The following RSRC1 variants were observed in gnomAD, a reference collection of about 807,000 sequenced individuals.
RSRC1 encodes the protein arginine and serine rich coiled-coil 1.
A neutral mutation model predicts 49.1 loss-of-function variants in RSRC1; 39 were observed. That is an observed-to-expected ratio of 0.79 (90% CI 0.61 to 1.04). RSRC1 has a LOEUF of 1.04. Among genes scored for constraint, RSRC1 ranks in the 50% least tolerant of loss-of-function variants. RSRC1 has a pLI of 0.00. For missense variants in RSRC1, 388 were observed against 402.4 expected (o/e 0.96, Z 0.31); for synonymous variants, 143 against 130.8 (o/e 1.09, Z -0.63).
intron 7 of RSRC1, among the ~76,000 whole-genome samples, chr3:158,491,763 A>G (rs1344213752): frequency 6.6e-6 from 1 of 152,216 alleles, no homozygotes; most frequent in Non-Finnish European, 1.5e-5. Flanking sequence ...TATAGAACAT[A>G]TCAACAGTGA....
intron 5 of RSRC1, among the ~76,000 whole-genome samples, chr3:158,298,418 ACAAT>A (rs1247033683): frequency 6.6e-6 from 1 of 152,118 alleles, no homozygotes; most frequent in African/African-American, 2.4e-5. Context: ...TAAGAAAAAC[ACAAT>A]CAAATATTGC....
chr3:158,400,243 T>C (rs1733829378), intron 6 of RSRC1, among the ~76,000 whole-genome samples: 1 of 152,098 alleles, frequency 6.6e-6, no homozygotes, highest in South Asian at 2.1e-4. Flanking sequence ...TTCAGTACAT[T>C]ATGTGTTTGT....
In RSRC1 at chr3:158,389,172, A is replaced by G. The variant is rs959525485; in HGVS notation, c.583+34264A>G. ...TTAACCCAGACGTTTTATTCTTCCA[A>G]TACAGATTTCTCTACTGATCAGAAA... On this transcript the variant is annotated intron_variant, in intron 6 of 9. Coordinates refer to ENST00000611884, the MANE Select transcript of RSRC1 (RefSeq NM_001271838.2). 1.3e-5 allele frequency among the ~76,000 whole-genome samples: 2 copies of G among 152,310 alleles called. 1 individual carries two copies. Among genetic ancestry groups the G allele is most frequent in the Admixed American group, 1.3e-4 (2 of 15,286 alleles).
intron 6 of RSRC1, among the ~76,000 whole-genome samples, chr3:158,439,752 A>G (rs1288341746): frequency 6.6e-6 from 1 of 152,118 alleles, no homozygotes; most frequent in Non-Finnish European, 1.5e-5. Context: ...AACATGGCAC[A>G]TGTATACCTA....
chr3:158,245,597 C>G (rs1166997367), intron 4 of RSRC1, among the ~76,000 whole-genome samples: 2 of 152,124 alleles, frequency 1.3e-5, no homozygotes, highest in East Asian at 3.9e-4. Context: ...TCTCTGTGAT[C>G]TGTCTAATAT....
intron 7 of RSRC1, among the ~76,000 whole-genome samples, chr3:158,490,875 A>C (rs1437391000): frequency 1.3e-5 from 2 of 152,202 alleles, no homozygotes; most frequent in Non-Finnish European, 2.9e-5. Context: ...ATGCATTGCT[A>C]TGATAACTTA....
At chr3:158,353,952 T>C (rs183098555) in intron 5 of RSRC1, among the ~76,000 whole-genome samples, 148 of 151,620 alleles carry the variant, frequency 9.8e-4, no homozygotes, top group African/African-American at 3.3e-3. Context: ...TCCAAAAATC[T>C]CAGAGTGTGG....
At chr3:158,542,258 C>T (rs377126656) in intron 8 of RSRC1, among the ~76,000 whole-genome samples, 2 of 152,082 alleles carry the variant, frequency 1.3e-5, no homozygotes, top group Non-Finnish European at 2.9e-5. Context: ...TGGCTGGGCA[C>T]GGTGGCTCAC....
intron 3 of RSRC1, among the ~76,000 whole-genome samples, chr3:158,137,845 G>A (rs569616516): frequency 6.6e-6 from 1 of 151,990 alleles, no homozygotes; most frequent in East Asian, 1.9e-4. Flanking sequence ...GTAGAGACAG[G>A]GTTTCGCCAT....
At chr3:158,446,874 T>C (rs754263281) in intron 6 of RSRC1, among the ~76,000 whole-genome samples, 9 of 152,060 alleles carry the variant, frequency 5.9e-5, no homozygotes, top group Non-Finnish European at 1.0e-4. Flanking sequence ...AGTTTCATTA[T>C]GTGCCTAGTT....
intron 4 of RSRC1, among the ~76,000 whole-genome samples, chr3:158,286,972 G>A (rs1462420881): frequency 6.6e-6 from 1 of 152,218 alleles, no homozygotes; most frequent in East Asian, 1.9e-4. Flanking sequence ...GACTACAGCT[G>A]CGTGCCACCA....
chr3:158,410,611 T>C (rs1734410317), intron 6 of RSRC1, among the ~76,000 whole-genome samples: 1 of 152,164 alleles, frequency 6.6e-6, no homozygotes, highest in South Asian at 2.1e-4. Flanking sequence ...GTTCCTAGCA[T>C]ATAGAAGGTG....
intron 6 of RSRC1, among the ~76,000 whole-genome samples, chr3:158,427,249 C>T (rs763914369): frequency 1.9e-4 from 29 of 151,664 alleles, no homozygotes; most frequent in Non-Finnish European, 3.1e-4. Context: ...AAAGCAACTA[C>T]CAAACTTTAC....
At chr3:158,265,841 T>G (rs1725142238) in intron 4 of RSRC1, among the ~76,000 whole-genome samples, 1 of 152,154 alleles carries the variant, frequency 6.6e-6, no homozygotes. Flanking sequence ...TAGGATTAGT[T>G]TCTATATTTA....
At chr3:158,511,056 G>C (rs1740141423) in intron 7 of RSRC1, among the ~76,000 whole-genome samples, 1 of 151,146 alleles carries the variant, frequency 6.6e-6, no homozygotes, top group Non-Finnish European at 1.5e-5. Flanking sequence ...TTTAGTATCT[G>C]TTAATAAACT....
intron 6 of RSRC1, among the ~76,000 whole-genome samples, chr3:158,385,657 A>G (rs754554720): frequency 6.6e-6 from 1 of 152,086 alleles, no homozygotes; most frequent in African/African-American, 2.4e-5. Flanking sequence ...TAACTGTGCT[A>G]TTTTTTTAAA....
intron 3 of RSRC1, among the ~76,000 whole-genome samples, chr3:158,151,765 G>C (rs1472515016): frequency 1.3e-5 from 2 of 152,106 alleles, no homozygotes; most frequent in Non-Finnish European, 2.9e-5. Flanking sequence ...GTTCTGGGAG[G>C]ACACAGTGTC....
Position 158,287,663 on chromosome 3 carries a change from A to G in RSRC1, c.495-10376A>G, listed in dbSNP as rs145153805. Among the ~76,000 whole-genome samples the G allele has an allele frequency of 6.1e-3, 924 of 152,304 alleles. 2 individuals are homozygous for G. The highest frequency in any genetic ancestry group is 0.011 in the Non-Finnish European group (750 of 68,018). ...AGTATATTATTGACAACCGGAAGCT[A>G]TTTACAATATATAGTAGTGAAAAAA... On this transcript the variant is annotated intron_variant, in intron 4 of 9. Transcript: ENST00000611884.
intron 8 of RSRC1, among the ~76,000 whole-genome samples, chr3:158,542,569 C>G (rs890253521): frequency 3.3e-5 from 5 of 152,094 alleles, no homozygotes; most frequent in African/African-American, 1.2e-4. Context: ...AAGAACCAGT[C>G]ATGAAAGACC....
Sources: allele counts gnomAD v4.1 joint callset (sites outside exome capture counted in the v4.1 genomes callset), GRCh38; gene constraint gnomAD v4.1.1; transcripts MANE v1.5; gene names NCBI Gene and HGNC (gene_info 2026-07-23, HGNC 2026-07-21).